The following SLC12A2 variants were observed in gnomAD, a reference collection of about 807,000 sequenced individuals.
SLC12A2 encodes the protein solute carrier family 12 member 2, also known as Na-K-2Cl cotransporter 1.
A neutral mutation model predicts 136.3 loss-of-function variants in SLC12A2; 67 were observed. The ratio of observed to expected loss-of-function variants is 0.49; its 90% CI spans 0.40 to 0.60. The LOEUF (loss-of-function observed/expected upper bound fraction) is 0.60, where lower values mean the gene tolerates loss of function less well. SLC12A2 is among the 20% of genes least tolerant of loss of function. SLC12A2 has a pLI of 0.00. For synonymous variants in SLC12A2, 619 were observed against 562.9 expected, an observed-to-expected ratio of 1.10 and a Z score of -1.41; for missense variants, 1,322 against 1,534.7, an observed-to-expected ratio of 0.86 and a Z score of 2.32.
intron 1 of SLC12A2, among the ~76,000 whole-genome samples, chr5:128,092,183 A>G (rs559213155): frequency 2.6e-5 from 4 of 152,340 alleles, no homozygotes; most frequent in African/African-American, 9.6e-5. Context: ...CATCCAGACT[A>G]TCAGCAAATC....
intron 7 of SLC12A2, among the ~76,000 whole-genome samples, chr5:128,136,998 T>C (rs554393272): frequency 9.2e-5 from 14 of 152,290 alleles, no homozygotes; most frequent in Non-Finnish European, 1.6e-4. Context: ...CCTCTTAATT[T>C]CTAATCCTTT....
At chr5:128,135,844 C>T in intron 7 of SLC12A2, 36 bp downstream of exon 7, 1 of 1,110,320 alleles carries the variant, frequency 9.0e-7, no homozygotes, top group Non-Finnish European at 1.4e-6. Context: ...TTAAGGGTAC[C>T]TATTTATAGA....
chr5:128,138,010 T>A (rs1762240007), intron 7 of SLC12A2, among the ~76,000 whole-genome samples: 1 of 151,392 alleles, frequency 6.6e-6, no homozygotes, highest in South Asian at 2.1e-4. Context: ...TGATCATGGG[T>A]CACTGGAGTG....
At chr5:128,159,499 T>C (rs998644121) in intron 16 of SLC12A2, among the ~76,000 whole-genome samples, 1 of 152,174 alleles carries the variant, frequency 6.6e-6, no homozygotes, top group African/African-American at 2.4e-5. Context: ...TTTTGCAATG[T>C]ATCCATCTGA....
intron 4 of SLC12A2, among the ~76,000 whole-genome samples, chr5:128,121,330 C>T (rs1007942505): frequency 2.6e-5 from 4 of 151,532 alleles, no homozygotes; most frequent in African/African-American, 7.3e-5. Flanking sequence ...TTTTTATTAC[C>T]GTTTTTTTTT....
intron 16 of SLC12A2, 110 bp from the exon 17 acceptor site, chr5:128,161,550 C>T (rs1409789999): frequency 3.7e-6 from 2 of 540,050 alleles, no homozygotes; most frequent in Admixed American, 4.4e-5. Flanking sequence ...ATACTTCTGA[C>T]CCTACATTTA....
Position 128,084,019 on chromosome 5 carries a change from CG to C in SLC12A2, c.66del (p.Ser23GlnfsTer119). ...APGLAGVGET[P>X]SAAALAAARV... is the part of the protein sequence containing the mutation. ...GGACTGGCCGGGGTCGGGGAGACGC[CG>C]TCAGCCGCTGCGCTGGCCGCAGCCA... On this transcript the variant is annotated frameshift_variant, in exon 1 of 27. Transcript: ENST00000262461. LOFTEE classifies it high-confidence loss of function. This position sits in a 1 kb window ranked among gnomAD's most constrained non-coding sequence, Gnocchi z 5.6. 8.0e-7 allele frequency: 1 copy of C among 1,256,566 alleles called. No homozygotes were observed. The highest frequency in any genetic ancestry group is 3.0e-5 in the South Asian group (1 of 33,314). 77.8% of individuals were successfully genotyped at this position (1,256,566 alleles called of 1,614,324 possible). A position where few individuals can be genotyped will look rare whatever the true frequency, so the allele number is the denominator to read the frequency against.
intron 4 of SLC12A2, among the ~76,000 whole-genome samples, chr5:128,125,678 CT>C (rs891680133): frequency 6.0e-5 from 9 of 150,880 alleles, no homozygotes; most frequent in Non-Finnish European, 1.2e-4. Context: ...TCCGGTTTCT[CT>C]TTTTTTTTAT....
chr5:128,171,808 T>C, intron 19 of SLC12A2, 62 bp downstream of exon 19: 1 of 977,776 alleles, frequency 1.0e-6, no homozygotes, highest in Non-Finnish European at 1.6e-6. Flanking sequence ...GTTAGAAAAT[T>C]ATATTCTCAC....
At chr5:128,154,209 G>T (rs968715315) in intron 15 of SLC12A2, among the ~76,000 whole-genome samples, 2 of 151,988 alleles carry the variant, frequency 1.3e-5, no homozygotes, top group African/African-American at 4.8e-5. Flanking sequence ...CCTAGGAGTT[G>T]GAGACCAGCA....
intron 4 of SLC12A2, among the ~76,000 whole-genome samples, chr5:128,122,444 A>T (rs905873759): frequency 6.6e-6 from 1 of 152,216 alleles, no homozygotes; most frequent in African/African-American, 2.4e-5. Flanking sequence ...TGGTGTTGAC[A>T]TACATTATCT....
chr5:128,168,086 A>G (rs1025618960), intron 18 of SLC12A2: 5 of 368,634 alleles, frequency 1.4e-5, no homozygotes, highest in Non-Finnish European at 2.4e-5. Flanking sequence ...ATATATATAT[A>G]TACACACACA....
At chr5:128,085,883 A>G (rs1760084024) in intron 1 of SLC12A2, among the ~76,000 whole-genome samples, 1 of 152,220 alleles carries the variant, frequency 6.6e-6, no homozygotes, top group African/African-American at 2.4e-5. Context: ...GCCTGAGATC[A>G]TTTAGCTTTA....
At position 128,188,923 on chromosome 5, in the gene SLC12A2, T is replaced by G. The variant is rs1459543812; in HGVS notation, c.*2292T>G. 7.8e-6 allele frequency: 1 copy of G among 128,228 alleles called. No homozygotes were observed. Among genetic ancestry groups the G allele is most frequent in the Non-Finnish European group, 1.5e-5 (1 of 65,092 alleles). The allele number at this position is 128,228 out of a possible 1,614,324, so 7.9% of individuals were successfully genotyped here. ...GAAATGTGCACAGGTACACTTACCT[T>G]TTTTTTTTTTTTTTTTAAGTTTTTC... On this transcript the variant is annotated 3_prime_UTR_variant, in exon 27 of 27. Coordinates refer to ENST00000262461, the MANE Select transcript of SLC12A2 (RefSeq NM_001046.3).
chr5:128,100,770 G>T (rs946872808), intron 1 of SLC12A2, among the ~76,000 whole-genome samples: 8 of 152,074 alleles, frequency 5.3e-5, no homozygotes, highest in Admixed American at 1.3e-4. Context: ...ATTTGAAATA[G>T]AAATTGTACA....
chr5:128,164,711 A>T (rs942542418), intron 17 of SLC12A2, among the ~76,000 whole-genome samples: 1 of 151,956 alleles, frequency 6.6e-6, no homozygotes, highest in African/African-American at 2.4e-5. Flanking sequence ...CTGTTTTTAG[A>T]TGTTATTTGT....
intron 5 of SLC12A2, among the ~76,000 whole-genome samples, chr5:128,131,732 G>C (rs1234325391): frequency 6.6e-6 from 1 of 152,044 alleles, no homozygotes; most frequent in Admixed American, 6.6e-5. Flanking sequence ...ACAGCCGGGC[G>C]TGGTGGCTCA....
At chr5:128,173,761 A>G (rs1763454326) in intron 19 of SLC12A2, among the ~76,000 whole-genome samples, 1 of 152,170 alleles carries the variant, frequency 6.6e-6, no homozygotes, top group Non-Finnish European at 1.5e-5. Context: ...GTTTCTCTTC[A>G]TTTACGCAAA....
At chr5:128,158,417 T>C (rs893437796) in intron 16 of SLC12A2, among the ~76,000 whole-genome samples, 1 of 152,314 alleles carries the variant, frequency 6.6e-6, no homozygotes, top group South Asian at 2.1e-4. Context: ...ATGTACTTAA[T>C]GTTTAGCTCC....
Sources: gnomAD v4.1 joint callset for allele counts (sites outside exome capture counted in the v4.1 genomes callset) on GRCh38, gnomAD v4.1.1 for gene constraint, Gnocchi (gnomAD v3.1) non-coding constraint, MANE v1.5 for transcripts, NCBI Gene and HGNC (gene_info 2026-07-23, HGNC 2026-07-21) for gene names.